Variants in GMPS observed in about 807,000 individuals in gnomAD.
The protein encoded by GMPS is guanosine monophosphate synthase.
Under a neutral mutation model 77.9 loss-of-function variants are expected in GMPS, and 15 were observed. The ratio of observed to expected loss-of-function variants is 0.19; its 90% CI spans 0.13 to 0.30. The LOEUF is 0.30. Among genes scored for constraint, GMPS ranks in the 10% least tolerant of loss-of-function variants. GMPS has a pLI of 1.00. For synonymous variants in GMPS, 224 were observed against 275.9 expected (o/e 0.81, Z 1.86); for missense variants, 590 against 838.8 (o/e 0.70, Z 3.66).
chr3:155,889,732 T>C (rs1416245977), intron 1 of GMPS, among the ~76,000 whole-genome samples: 1 of 152,248 alleles, frequency 6.6e-6, no homozygotes, highest in African/African-American at 2.4e-5. Context: ...TCTTACCCTA[T>C]TCTTAAAGAG....
intron 1 of GMPS, among the ~76,000 whole-genome samples, chr3:155,888,208 C>CT (rs34327298): frequency 0.011 from 1,455 of 134,856 alleles, 22 homozygotes; most frequent in African/African-American, 0.034. Flanking sequence ...TACCCAAAGG[C>CT]TTTTTTTTTT....
At chr3:155,877,627 G>A (rs1304910585) in intron 1 of GMPS, among the ~76,000 whole-genome samples, 1 of 151,952 alleles carries the variant, frequency 6.6e-6, no homozygotes, top group Non-Finnish European at 1.5e-5. Flanking sequence ...TAGTCTGTTG[G>A]GGCCGCTAAA....
intron 2 of GMPS, among the ~76,000 whole-genome samples, chr3:155,894,231 T>G (rs905234930): frequency 1.1e-4 from 16 of 152,284 alleles, no homozygotes; most frequent in African/African-American, 3.8e-4. Context: ...TGTCATGCTT[T>G]CTTTTTTTTT....
intron 1 of GMPS, among the ~76,000 whole-genome samples, chr3:155,883,663 T>C (rs531472921): frequency 2.6e-5 from 4 of 152,300 alleles, no homozygotes; most frequent in African/African-American, 9.6e-5. Flanking sequence ...TGGTTCTTCA[T>C]GCAAACAGGC....
upstream of GMPS, among the ~76,000 whole-genome samples, chr3:155,870,172 C>T (rs956751975): frequency 6.6e-6 from 1 of 152,246 alleles, no homozygotes; most frequent in African/African-American, 2.4e-5. Context: ...ACGGAACTTT[C>T]CAAAGCAGCC....
intron 5 of GMPS, 61 bp downstream of exon 5, chr3:155,906,324 A>G (rs1169835790): frequency 2.3e-6 from 2 of 867,702 alleles, no homozygotes; most frequent in Non-Finnish European, 3.8e-6. Context: ...GAGTAAGCAT[A>G]TGCTTCTGTA....
intron 2 of GMPS, among the ~76,000 whole-genome samples, chr3:155,896,729 ATTTTTT>A (rs1020255894): frequency 2.2e-5 from 2 of 92,056 alleles, no homozygotes; most frequent in South Asian, 3.7e-4. Context: ...CCTTACTGAG[ATTTTTT>A]TTTTTTTTTT....
chr3:155,882,532 G>A (rs971162090), intron 1 of GMPS, among the ~76,000 whole-genome samples: 41 of 152,138 alleles, frequency 2.7e-4, no homozygotes, highest in Admixed American at 1.1e-3. Flanking sequence ...AATAGCCACC[G>A]TTCAGTGCTT....
chr3:155,872,259 A>G (rs1443452859), intron 1 of GMPS, among the ~76,000 whole-genome samples: 1 of 152,194 alleles, frequency 6.6e-6, no homozygotes, highest in Non-Finnish European at 1.5e-5. Flanking sequence ...CAATGAGTAA[A>G]AGATTATAAG....
intron 12 of GMPS, 31 bp from the exon 13 acceptor site, chr3:155,931,734 T>G: frequency 1.1e-6 from 1 of 935,074 alleles, no homozygotes; most frequent in South Asian, 1.4e-5. Context: ...TTTTGACTAT[T>G]AAAAATTATT....
At chr3:155,895,030 A>G (rs1161148836) in intron 2 of GMPS, among the ~76,000 whole-genome samples, 2 of 152,232 alleles carry the variant, frequency 1.3e-5, no homozygotes, top group African/African-American at 2.4e-5. Flanking sequence ...CAAAACAAAC[A>G]AAAAATCCCC....
At chr3:155,871,555 G>A (rs1753906589) in intron 1 of GMPS, among the ~76,000 whole-genome samples, 1 of 152,342 alleles carries the variant, frequency 6.6e-6, no homozygotes, top group Admixed American at 6.5e-5. Context: ...GAGGGCTGGT[G>A]GCCCCAGGGT....
chr3:155,884,747 A>G (rs1004304262), intron 1 of GMPS, among the ~76,000 whole-genome samples: 7 of 152,222 alleles, frequency 4.6e-5, no homozygotes, highest in African/African-American at 1.7e-4. Flanking sequence ...TTTACCTGAG[A>G]AGATAGAATT....
intron 1 of GMPS, among the ~76,000 whole-genome samples, chr3:155,890,199 A>T (rs1754431429): frequency 6.6e-6 from 1 of 152,254 alleles, no homozygotes. Context: ...CAGTTTCTTC[A>T]GTAATCTCTT....
chr3:155,899,506 T>C (rs1419852147), intron 3 of GMPS, among the ~76,000 whole-genome samples: 1 of 151,656 alleles, frequency 6.6e-6, no homozygotes, highest in Non-Finnish European at 1.5e-5. Context: ...TATAGAAATA[T>C]CTTATATACC....
At chr3:155,919,067 T>C (rs952335902) in intron 9 of GMPS, among the ~76,000 whole-genome samples, 166 bp from the exon 10 acceptor site, 1 of 152,242 alleles carries the variant, frequency 6.6e-6, no homozygotes, top group Non-Finnish European at 1.5e-5. Context: ...ATTCGTCTAA[T>C]TCCTTATAGG....
intron 10 of GMPS, among the ~76,000 whole-genome samples, chr3:155,919,727 A>G (rs558951336): frequency 7.9e-4 from 121 of 152,334 alleles, no homozygotes; most frequent in African/African-American, 2.5e-3. Context: ...ATTTAAATTT[A>G]GCTCTTTAAA....
intron 1 of GMPS, among the ~76,000 whole-genome samples, chr3:155,889,052 T>G (rs1022324365): frequency 1.3e-5 from 2 of 152,196 alleles, no homozygotes; most frequent in Non-Finnish European, 2.9e-5. Flanking sequence ...TTTTAGTAAC[T>G]TTGTATGGGA....
chr3:155,919,662 G>T (rs1355473715), intron 10 of GMPS, among the ~76,000 whole-genome samples: 1 of 152,122 alleles, frequency 6.6e-6, no homozygotes, highest in African/African-American at 2.4e-5. Flanking sequence ...AGTAGAGCTA[G>T]GATTTGTTAT....
Sources: allele counts gnomAD v4.1 joint callset (sites outside exome capture counted in the v4.1 genomes callset), GRCh38; gene constraint gnomAD v4.1.1; transcripts MANE v1.5; gene names NCBI Gene and HGNC (gene_info 2026-07-23, HGNC 2026-07-21).